Variants in CPXM2 observed in about 807,000 individuals in gnomAD.
CPXM2 encodes the protein carboxypeptidase X, M14 family member 2.
Under a neutral mutation model 86.1 loss-of-function variants are expected in CPXM2, and 66 were observed. The ratio of observed to expected loss-of-function variants is 0.77; its 90% CI spans 0.63 to 0.94. CPXM2 has a LOEUF of 0.94. Ranked by LOEUF, CPXM2 falls within the 40% of genes least tolerant of loss-of-function variation. The pLI is 0.00. For missense variants in CPXM2, 948 were observed against 1,026.3 expected (o/e 0.92, Z 1.04); for synonymous variants, 388 against 400.2 (o/e 0.97, Z 0.36).
intron 3 of CPXM2, among the ~76,000 whole-genome samples, chr10:123,858,874 C>A (rs1310416289): frequency 1.3e-5 from 2 of 152,240 alleles, no homozygotes; most frequent in Non-Finnish European, 2.9e-5. Flanking sequence ...CATTTGAGAA[C>A]TGCCAAAGGC....
chr10:123,803,149 T>TTTTTG (rs1847498845), intron 4 of CPXM2, among the ~76,000 whole-genome samples: 1 of 101,510 alleles, frequency 9.9e-6, no homozygotes, highest in South Asian at 3.5e-4. Context: ...TTTTTTTTTT[T>TTTTTG]TGAGACAGCG....
chr10:123,793,172 G>A (rs1847246018), intron 6 of CPXM2, among the ~76,000 whole-genome samples: 2 of 152,136 alleles, frequency 1.3e-5, no homozygotes, highest in Admixed American at 6.5e-5. Flanking sequence ...AGGAGCAAAA[G>A]TGGAATTTGA....
chr10:123,774,435 GA>G (rs2134015857), intron 7 of CPXM2, among the ~76,000 whole-genome samples: 1 of 152,312 alleles, frequency 6.6e-6, no homozygotes, highest in African/African-American at 2.4e-5. Context: ...ATTAGAACTG[GA>G]AAATTGGTAT....
intron 7 of CPXM2, among the ~76,000 whole-genome samples, chr10:123,779,728 AAC>A (rs1221237387): frequency 2.0e-5 from 3 of 152,172 alleles, no homozygotes; most frequent in Non-Finnish European, 4.4e-5. Context: ...TAACAATAAC[AAC>A]AGTCCCTACC....
intron 11 of CPXM2, among the ~76,000 whole-genome samples, chr10:123,761,026 C>G (rs752310626): frequency 6.6e-6 from 1 of 152,186 alleles, no homozygotes; most frequent in African/African-American, 2.4e-5. Flanking sequence ...AGAGGGACTT[C>G]GGAAATGGGA....
intron 2 of CPXM2, among the ~76,000 whole-genome samples, chr10:123,877,247 T>C (rs1211533231): frequency 6.6e-6 from 1 of 152,076 alleles, no homozygotes; most frequent in Non-Finnish European, 1.5e-5. Flanking sequence ...TAGCAAAAAA[T>C]TGGAAACAAC....
At chr10:123,750,224 G>A in intron 13 of CPXM2, 1 of 985,388 alleles carries the variant, frequency 1.0e-6, no homozygotes, top group Non-Finnish European at 1.2e-6. Flanking sequence ...AGGAGAAATA[G>A]ACAAGCAGGT....
In CPXM2 at chr10:123,832,746, G is replaced by A. The variant is rs185952092; in HGVS notation, c.653+9603C>T. ...GGAAGCTGAGACAGGAGAATTGCTTGAACCCAGGAGGCAGAGGTTGCAGTG... is the reference window on the plus strand; with the variant it reads ...GGAAGCTGAGACAGGAGAATTGCTTAAACCCAGGAGGCAGAGGTTGCAGTG... On this transcript the variant is annotated intron_variant, in intron 4 of 13. Transcript: ENST00000241305. Among the ~76,000 whole-genome samples, 372 of 151,580 alleles carry A rather than the reference G, an allele frequency of 2.5e-3. 1 individual carries two copies. The highest frequency in any genetic ancestry group is 8.3e-3 in the African/African-American group (342 of 41,114).
At chr10:123,825,636 T>C (rs1298072846) in intron 4 of CPXM2, among the ~76,000 whole-genome samples, 1 of 152,224 alleles carries the variant, frequency 6.6e-6, no homozygotes, top group Non-Finnish European at 1.5e-5. Flanking sequence ...CATCTGTCCT[T>C]GTCTCCATAA....
At chr10:123,826,520 G>A (rs1356117965) in intron 4 of CPXM2, among the ~76,000 whole-genome samples, 6 of 152,156 alleles carry the variant, frequency 3.9e-5, no homozygotes, top group Admixed American at 1.3e-4. Flanking sequence ...AGTAGAGGAA[G>A]GGGACAGGGT....
At chr10:123,875,745 A>C (rs1393660900) in intron 2 of CPXM2, among the ~76,000 whole-genome samples, 1 of 150,774 alleles carries the variant, frequency 6.6e-6, no homozygotes, top group African/African-American at 2.4e-5. Flanking sequence ...ATTCACCAAC[A>C]TGTTTCAGGG....
intron 4 of CPXM2, among the ~76,000 whole-genome samples, chr10:123,817,021 G>C (rs984854714): frequency 2.2e-4 from 34 of 152,304 alleles, no homozygotes; most frequent in Non-Finnish European, 4.3e-4. Flanking sequence ...CAGTGGTGTG[G>C]GACCTGTCAA....
At chr10:123,852,757 C>T (rs1848630829) in intron 3 of CPXM2, among the ~76,000 whole-genome samples, 1 of 152,146 alleles carries the variant, frequency 6.6e-6, no homozygotes, top group Non-Finnish European at 1.5e-5. Flanking sequence ...CAAGCCATCC[C>T]CTCTGCCCAG....
chr10:123,900,963 A>C (rs1282614889), intron 2 of CPXM2, among the ~76,000 whole-genome samples: 1 of 152,168 alleles, frequency 6.6e-6, no homozygotes, highest in Non-Finnish European at 1.5e-5. Flanking sequence ...AGCCCACACT[A>C]ATTATCTGGT....
intron 4 of CPXM2, among the ~76,000 whole-genome samples, chr10:123,804,249 A>T (rs1328739907): frequency 1.3e-5 from 2 of 152,160 alleles, no homozygotes; most frequent in Non-Finnish European, 2.9e-5. Context: ...TTGCAGTCCT[A>T]TATAAATTTT....
At chr10:123,923,996 C>CT (rs2134281074) in intron 2 of CPXM2, among the ~76,000 whole-genome samples, 1 of 152,272 alleles carries the variant, frequency 6.6e-6, no homozygotes, top group African/African-American at 2.4e-5. Context: ...GACTAATACA[C>CT]TAGCTATTAT....
chr10:123,803,843 A>G (rs1292447857), intron 4 of CPXM2, among the ~76,000 whole-genome samples: 1 of 151,870 alleles, frequency 6.6e-6, no homozygotes, highest in East Asian at 1.9e-4. Flanking sequence ...TTGTATTTTT[A>G]GTAGAGAGGG....
intron 2 of CPXM2, among the ~76,000 whole-genome samples, chr10:123,936,181 G>GAT (rs1945718813): frequency 3.6e-4 from 18 of 49,390 alleles, no homozygotes; most frequent in South Asian, 6.9e-4. Context: ...CCCCAAAGTA[G>GAT]CCCTGTAAGA....
At chr10:123,784,763 G>A (rs773535879) in intron 6 of CPXM2, among the ~76,000 whole-genome samples, 24 of 152,144 alleles carry the variant, frequency 1.6e-4, no homozygotes, top group Non-Finnish European at 2.8e-4. Flanking sequence ...CCTTTATCAA[G>A]CTGAAGTCTA....
Sources: gnomAD v4.1 joint callset for allele counts (sites outside exome capture counted in the v4.1 genomes callset) on GRCh38, gnomAD v4.1.1 for gene constraint, MANE v1.5 for transcripts, NCBI Gene and HGNC (gene_info 2026-07-23, HGNC 2026-07-21) for gene names.